The following SUPT3H variants were observed in gnomAD, a reference collection of about 807,000 sequenced individuals.
SUPT3H encodes transcription initiation protein SPT3 homolog.
Under a neutral mutation model 44.3 loss-of-function variants are expected in SUPT3H, and 44 were observed. The observed-to-expected ratio is 0.99, with a 90% CI of 0.78 to 1.28. The LOEUF (loss-of-function observed/expected upper bound fraction) is 1.28. Ranked by LOEUF, SUPT3H falls within the 50% of genes most tolerant of loss-of-function variation. The probability of loss-of-function intolerance (pLI) is 0.00; values close to 1 mark genes in which losing one functional copy is unlikely to be tolerated. For missense variants in SUPT3H, 380 were observed against 387.1 expected, an observed-to-expected ratio of 0.98 and a Z score of 0.15; for synonymous variants, 124 against 125.6, an observed-to-expected ratio of 0.99 and a Z score of 0.09.
intron 2 of SUPT3H, among the ~76,000 whole-genome samples, chr6:45,252,480 TC>T (rs199716414): frequency 0.017 from 2,664 of 152,286 alleles, 50 homozygotes; most frequent in South Asian, 0.085. Flanking sequence ...TTAGCTCAGT[TC>T]CATTGAATAA....
intron 3 of SUPT3H, among the ~76,000 whole-genome samples, chr6:45,043,470 T>C (rs1163759405): frequency 6.6e-6 from 1 of 152,170 alleles, no homozygotes; most frequent in Non-Finnish European, 1.5e-5. Context: ...CACAGTCCTT[T>C]TCCTCCTCAG....
chr6:45,054,240 T>C (rs1790774261), intron 3 of SUPT3H, among the ~76,000 whole-genome samples: 1 of 152,062 alleles, frequency 6.6e-6, no homozygotes, highest in South Asian at 2.1e-4. Flanking sequence ...CCTACCCTTC[T>C]CCCCTGAAGC....
At chr6:45,262,303 C>T (rs892912571) in intron 2 of SUPT3H, among the ~76,000 whole-genome samples, 2 of 151,396 alleles carry the variant, frequency 1.3e-5, no homozygotes, top group Admixed American at 1.3e-4. Flanking sequence ...ATTACTGGCA[C>T]AAAAACAGAT....
At chr6:45,014,992 G>T in intron 4 of SUPT3H, 101 bp from the exon 5 acceptor site, 1 of 581,514 alleles carries the variant, frequency 1.7e-6, no homozygotes, top group Non-Finnish European at 2.6e-6. Context: ...TGTACCCCAT[G>T]ATATCAGAGA....
At chr6:44,917,205 G>C (rs1391966252) in intron 10 of SUPT3H, among the ~76,000 whole-genome samples, 1 of 152,016 alleles carries the variant, frequency 6.6e-6, no homozygotes, top group Non-Finnish European at 1.5e-5. Flanking sequence ...ACTGACTCAG[G>C]CAAGTTGTCT....
Position 45,005,178 on chromosome 6 carries a change from C to T in SUPT3H, c.365-1386G>A, listed in dbSNP as rs543010247. ...TGCCTTGTCTCTCCATGAGAAAAGC[C>T]TAATAAATGTAAAGTGATACATCAT... On this transcript the variant is annotated intron_variant, in intron 5 of 10. Transcript: ENST00000371459. Among the ~76,000 whole-genome samples the T allele has an allele frequency of 3.3e-5, 5 of 152,194 alleles. No individual in the cohort carries two copies. The South Asian group carries it at 1.0e-3, about 32-fold the overall frequency.
intron 3 of SUPT3H, among the ~76,000 whole-genome samples, chr6:45,051,849 CTAAATT>C (rs1790348688): frequency 1.3e-5 from 2 of 152,056 alleles, no homozygotes; most frequent in Non-Finnish European, 2.9e-5. Context: ...GTAGAATACT[CTAAATT>C]GAAGTTACAC....
chr6:44,919,090 CTCA>C (rs570107588), intron 10 of SUPT3H, among the ~76,000 whole-genome samples: 80 of 152,302 alleles, frequency 5.3e-4, no homozygotes, highest in Non-Finnish European at 9.3e-4. Context: ...AAAGTGCTAA[CTCA>C]TCATTTCATA....
Position 44,926,363 on chromosome 6 carries a change from G to A in SUPT3H, c.912+6290C>T, listed in dbSNP as rs189573023. On this transcript the variant is annotated intron_variant, in intron 10 of 10. Transcript: ENST00000371459. ...CTAACTACATAAAATCCTATATATT[G>A]AAAACATATCGAATTAGAAAAAAAT... is the stretch of plus-strand genomic sequence containing the variant. Among the ~76,000 whole-genome samples, 710 of 152,068 alleles carry A rather than the reference G, an allele frequency of 4.7e-3. 4 individuals carry two copies. The highest frequency in any genetic ancestry group is 8.3e-3 in the Admixed American group (127 of 15,278).
chr6:44,810,735 G>A (rs1006366162), intron 11 of SUPT3H, among the ~76,000 whole-genome samples: 1 of 151,824 alleles, frequency 6.6e-6, no homozygotes, highest in Non-Finnish European at 1.5e-5. Context: ...GTGAAACTCC[G>A]TCTCCATTAA....
chr6:45,167,863 G>GTCA (rs965422580), intron 2 of SUPT3H, among the ~76,000 whole-genome samples: 1 of 151,676 alleles, frequency 6.6e-6, no homozygotes, highest in Non-Finnish European at 1.5e-5. Context: ...CCAGGCTGGA[G>GTCA]TGTAATGGCT....
At chr6:45,320,091 T>C (rs1036887112) in intron 2 of SUPT3H, among the ~76,000 whole-genome samples, 2 of 152,154 alleles carry the variant, frequency 1.3e-5, no homozygotes, top group Admixed American at 1.3e-4. Flanking sequence ...ATTCAAGAGA[T>C]GGTTATTACA....
intron 2 of SUPT3H, among the ~76,000 whole-genome samples, chr6:45,347,026 T>C (rs1791023257): frequency 6.6e-6 from 1 of 152,012 alleles, no homozygotes; most frequent in African/African-American, 2.4e-5. Context: ...ATAACTTACA[T>C]GGCTGAAAAG....
chr6:45,254,985 G>A (rs1773091603), intron 2 of SUPT3H, among the ~76,000 whole-genome samples: 1 of 152,158 alleles, frequency 6.6e-6, no homozygotes, highest in Admixed American at 6.5e-5. Flanking sequence ...TAGTTTATCA[G>A]ATCAATTTGC....
chr6:45,364,918 A>T (rs577510034), intron 2 of SUPT3H, among the ~76,000 whole-genome samples: 2 of 152,268 alleles, frequency 1.3e-5, no homozygotes, highest in South Asian at 4.1e-4. Context: ...CATAACACAG[A>T]CTCAGGCAAA....
intron 2 of SUPT3H, among the ~76,000 whole-genome samples, chr6:45,171,892 A>G (rs1810855115): frequency 6.6e-6 from 1 of 150,550 alleles, no homozygotes. Flanking sequence ...TAATTTTTGT[A>G]TTTTAAGTAC....
chr6:44,845,513 G>A (rs1771712512), intron 10 of SUPT3H, among the ~76,000 whole-genome samples: 1 of 152,234 alleles, frequency 6.6e-6, no homozygotes, highest in East Asian at 1.9e-4. Flanking sequence ...CCCTGGTGAG[G>A]GCTCCACCCT....
downstream of SUPT3H, among the ~76,000 whole-genome samples, chr6:44,823,615 A>G (rs189071821): frequency 1.3e-5 from 2 of 152,286 alleles, no homozygotes; most frequent in Admixed American, 1.3e-4. Context: ...AGTTCTGGTA[A>G]GGCAAAGGTC....
chr6:45,069,561 T>A (rs1304383278), intron 3 of SUPT3H, among the ~76,000 whole-genome samples: 1 of 152,168 alleles, frequency 6.6e-6, no homozygotes, highest in African/African-American at 2.4e-5. Context: ...CGTATAAGTA[T>A]ATGTAAACTA....
Sources: allele counts gnomAD v4.1 joint callset (sites outside exome capture counted in the v4.1 genomes callset), GRCh38; gene constraint gnomAD v4.1.1; transcripts MANE v1.5; gene names NCBI Gene and HGNC (gene_info 2026-07-23, HGNC 2026-07-21).